The following SEMA6A variants were observed in gnomAD, a reference collection of about 807,000 sequenced individuals.
The protein encoded by SEMA6A is semaphorin 6A, also known as semaphorin-6A.
A neutral mutation model predicts 96.8 loss-of-function variants in SEMA6A; 25 were observed. That is an observed-to-expected ratio of 0.26 (90% CI 0.19 to 0.36). The LOEUF (loss-of-function observed/expected upper bound fraction) is 0.36, where lower values mean the gene tolerates loss of function less well. Among genes scored for constraint, SEMA6A ranks in the 10% least tolerant of loss-of-function variants. SEMA6A has a pLI of 1.00. For synonymous variants in SEMA6A, 612 were observed against 518.0 expected, an observed-to-expected ratio of 1.18 and a Z score of -2.46; for missense variants, 1,363 against 1,323.1, an observed-to-expected ratio of 1.03 and a Z score of -0.47.
At position 116,495,492 on chromosome 5, in the gene SEMA6A, TTAATA is replaced by T; in HGVS notation, c.360_364del (p.Phe120LeufsTer9). The T allele has an allele frequency of 6.2e-7, 1 of 1,602,036 alleles. No homozygotes were observed. The highest frequency in any genetic ancestry group is 8.5e-7 in the Non-Finnish European group (1 of 1,173,526). On this transcript the variant is annotated frameshift_variant, in exon 6 of 19. Transcript: ENST00000343348. LOFTEE classifies it high-confidence loss of function. ...ATCATCGTTTTTCTTTAGAAGAACT[TTAATA>T]AAGTTGTGGCACTCATCCTGAAAAA...
At chr5:116,471,403 T>C (rs1365501954) in intron 17 of SEMA6A, 1 of 152,222 alleles carries the variant, frequency 6.6e-6, no homozygotes, top group Non-Finnish European at 1.5e-5. Context: ...GATTGATGAA[T>C]GCTGGGGAGG....
chr5:116,529,676 G>A (rs1277741552), intron 1 of SEMA6A, among the ~76,000 whole-genome samples: 1 of 152,104 alleles, frequency 6.6e-6, no homozygotes, highest in Non-Finnish European at 1.5e-5. Context: ...AAAAAAGAAA[G>A]AGAAAGAAAG....
chr5:116,445,382 T>G lies in SEMA6A; in HGVS notation c.*1231A>C, dbSNP rs574836295. 1.2e-4 allele frequency: 18 copies of G among 152,784 alleles called. No homozygotes were observed. The highest frequency in any genetic ancestry group is 4.3e-4 in the African/African-American group (18 of 41,590). The allele number at this position is 152,784 out of a possible 1,614,324, so 9.5% of individuals were successfully genotyped here. ...AACCCGTGTGATCAAATCATTAATT[T>G]ATGCAAGGTAGCAGCCAGCATATTA... On this transcript the variant is annotated 3_prime_UTR_variant, in exon 19 of 19. Transcript: ENST00000343348.
At chr5:116,488,031 T>C (rs1757142073) in intron 9 of SEMA6A, 77 bp downstream of exon 9, 1 of 951,846 alleles carries the variant, frequency 1.1e-6, no homozygotes, top group African/African-American at 1.6e-5. Flanking sequence ...TTCAAGATCA[T>C]TTATAACAAC....
At position 116,450,274 on chromosome 5, in the gene SEMA6A, TC is replaced by T. The variant is rs199951568; in HGVS notation, c.1895-2464del. Among the ~76,000 whole-genome samples, 125 of 152,336 alleles carry T rather than the reference TC, an allele frequency of 8.2e-4. No homozygotes were observed. In the East Asian group the frequency reaches 0.02, roughly 24 times the overall value. On this transcript the variant is annotated intron_variant, in intron 18 of 18. Transcript: ENST00000343348. ...GGTGGGGGTGTATTAGGTGTTTTTTTCATGGCAATGAGTATTTCATGAAACC... is the reference window on the plus strand; with the variant it reads ...GGTGGGGGTGTATTAGGTGTTTTTTTATGGCAATGAGTATTTCATGAAACC...
intron 1 of SEMA6A, chr5:116,536,286 T>C (rs1019424651): frequency 2.0e-5 from 3 of 152,112 alleles, no homozygotes; most frequent in African/African-American, 2.4e-5. Context: ...ACTGAGTCCA[T>C]TGTTTACTTA....
intron 18 of SEMA6A, among the ~76,000 whole-genome samples, chr5:116,461,772 G>A (rs1755412549): frequency 6.6e-6 from 1 of 152,102 alleles, no homozygotes; most frequent in Non-Finnish European, 1.5e-5. Context: ...GGTCATAAAG[G>A]CCTTTTGGTG....
At chr5:116,467,838 G>A in intron 17 of SEMA6A, 91 bp from the exon 18 acceptor site, 2 of 1,384,984 alleles carry the variant, frequency 1.4e-6, no homozygotes, top group Non-Finnish European at 2.0e-6. Context: ...CACCCAAGCT[G>A]GCTGTAAGAC....
At chr5:116,477,069 G>A (rs556613365) in intron 15 of SEMA6A, among the ~76,000 whole-genome samples, 2 of 152,300 alleles carry the variant, frequency 1.3e-5, no homozygotes, top group South Asian at 4.1e-4. Context: ...TTGAAGAAAT[G>A]GCTGTGTTGA....
At chr5:116,556,348 C>G (rs747213383) in intron 1 of SEMA6A, among the ~76,000 whole-genome samples, 1 of 152,184 alleles carries the variant, frequency 6.6e-6, no homozygotes, top group South Asian at 2.1e-4. Context: ...ATCTCCTCAT[C>G]ATCTTTTTAG....
At chr5:116,475,145 C>T (rs1190224572) in intron 16 of SEMA6A, among the ~76,000 whole-genome samples, 1 of 152,002 alleles carries the variant, frequency 6.6e-6, no homozygotes, top group African/African-American at 2.4e-5. Context: ...ATAAAACAGG[C>T]CCACTCAATT....
intron 1 of SEMA6A, among the ~76,000 whole-genome samples, chr5:116,560,256 G>T (rs1191777794): frequency 6.6e-6 from 1 of 152,152 alleles, no homozygotes; most frequent in Non-Finnish European, 1.5e-5. Context: ...TCTGCATTCT[G>T]CATTTGGGAC....
intron 1 of SEMA6A, among the ~76,000 whole-genome samples, chr5:116,562,343 T>C (rs966988025): frequency 5.3e-5 from 8 of 152,210 alleles, no homozygotes; most frequent in Non-Finnish European, 1.2e-4. Context: ...AGCTACAAAA[T>C]AATTGTTCAC....
At chr5:116,512,127 G>A (rs1758430946) in intron 1 of SEMA6A, among the ~76,000 whole-genome samples, 1 of 152,132 alleles carries the variant, frequency 6.6e-6, no homozygotes, top group Non-Finnish European at 1.5e-5. Context: ...CTGTTTCAAG[G>A]ACCGCAGCAT....
intron 12 of SEMA6A, 26 bp from the exon 13 acceptor site, chr5:116,478,744 ATC>A: frequency 1.2e-6 from 2 of 1,605,708 alleles, no homozygotes; most frequent in Admixed American, 1.7e-5. Context: ...CACATTTCTT[ATC>A]TCTTTGTTGG....
rs1430473644 is a variant in SEMA6A at position 116,524,214 on chromosome 5, G to A, written c.-38-19232C>T. Among the ~76,000 whole-genome samples, 5 of 152,190 alleles carry A rather than the reference G, an allele frequency of 3.3e-5. No individual in the cohort carries two copies. The East Asian group carries it at 9.6e-4, about 29-fold the overall frequency. On this transcript the variant is annotated intron_variant, in intron 1 of 18. Coordinates refer to ENST00000343348, the MANE Select transcript of SEMA6A (RefSeq NM_020796.5). Reference sequence around the variant, plus strand: ...GATCCCACCCAGATGCTGTGGAGAAGAAGCCATGTGAATACTGCACGAGGA... The same window carrying A: ...GATCCCACCCAGATGCTGTGGAGAAAAAGCCATGTGAATACTGCACGAGGA...
In SEMA6A at chr5:116,547,629, A is replaced by G. The variant is rs148096017; in HGVS notation, c.-39+26556T>C. Among the ~76,000 whole-genome samples, 42 of 151,726 alleles carry G rather than the reference A, an allele frequency of 2.8e-4. No individual in the cohort carries two copies. The East Asian group carries it at 7.8e-3, about 28-fold the overall frequency. On this transcript the variant is annotated intron_variant, in intron 1 of 18. Coordinates refer to ENST00000343348, the MANE Select transcript of SEMA6A (RefSeq NM_020796.5). ...CTTCTGCAACAGAAGCTTTTATTTC[A>G]TAACAGTATTACTAACAAGCAAGCA...
chr5:116,489,003 T>C lies in SEMA6A; in HGVS notation c.540A>G (p.Gly180=). Residue 180 remains glycine, a synonymous_variant, in exon 8 of 19, where the codon GGA becomes GGG. Transcript: ENST00000343348. ...CAGTCACTGTGGCTGAGTATAGTTT[T>C]CCATCTTAGAAGAAAAAGAAAAGAG... ...KHANVALFAD[G]KLYSATVTDF... is the part of the protein sequence containing the mutation. 2 of 1,563,964 alleles carry C rather than the reference T, an allele frequency of 1.3e-6. No individual in the cohort carries two copies. The highest frequency in any genetic ancestry group is 1.7e-6 in the Non-Finnish European group (2 of 1,152,944).
At chr5:116,474,723 C>T (rs1756365645) in intron 16 of SEMA6A, among the ~76,000 whole-genome samples, 1 of 152,216 alleles carries the variant, frequency 6.6e-6, no homozygotes, top group African/African-American at 2.4e-5. Context: ...GATAATATAG[C>T]TTCATTCCCT....
Sources: gnomAD v4.1 joint callset for allele counts (sites outside exome capture counted in the v4.1 genomes callset) on GRCh38, gnomAD v4.1.1 for gene constraint, MANE v1.5 for transcripts, NCBI Gene and HGNC (gene_info 2026-07-23, HGNC 2026-07-21) for gene names.